The following UNC5D variants were observed in gnomAD, a reference collection of about 807,000 sequenced individuals.
UNC5D encodes netrin receptor UNC5D.
UNC5D carries 39 observed loss-of-function variants against 105.4 expected under a neutral mutation model. The ratio of observed to expected loss-of-function variants is 0.37; its 90% CI spans 0.29 to 0.48. The LOEUF is 0.48. Ranked by LOEUF, UNC5D falls within the 20% of genes least tolerant of loss-of-function variation. UNC5D has a pLI of 0.98. For missense variants in UNC5D, 991 were observed against 1,202.4 expected (o/e 0.82, Z 2.60); for synonymous variants, 452 against 450.4 (o/e 1.00, Z -0.04).
At chr8:35,259,509 C>G (rs1415050848) in intron 1 of UNC5D, among the ~76,000 whole-genome samples, 1 of 152,116 alleles carries the variant, frequency 6.6e-6, no homozygotes, top group African/African-American at 2.4e-5. Context: ...CTCCAGGGTG[C>G]TATATATTAT....
At chr8:35,742,650 G>A (rs1013904050) in intron 11 of UNC5D, among the ~76,000 whole-genome samples, 1 of 152,164 alleles carries the variant, frequency 6.6e-6, no homozygotes, top group Non-Finnish European at 1.5e-5. Flanking sequence ...ACCTCATATT[G>A]GAACTTGGAA....
At chr8:35,427,003 G>A (rs550844552) in intron 1 of UNC5D, among the ~76,000 whole-genome samples, 41 of 152,272 alleles carry the variant, frequency 2.7e-4, no homozygotes, top group Non-Finnish European at 3.8e-4. Context: ...GATGATGAAC[G>A]AGTTGATTTT....
At chr8:35,491,104 T>A (rs1811188359) in intron 1 of UNC5D, among the ~76,000 whole-genome samples, 1 of 152,162 alleles carries the variant, frequency 6.6e-6, no homozygotes, top group African/African-American at 2.4e-5. Context: ...TATTACTTAT[T>A]AAGGGTTTAC....
rs766159625 is a variant in UNC5D at position 35,766,955 on chromosome 8, C to G, written c.2367C>G (p.Ala789=). 1 of 1,614,088 alleles carries G rather than the reference C, an allele frequency of 6.2e-7. No homozygotes were observed. The highest frequency in any genetic ancestry group is 8.5e-7 in the Non-Finnish European group (1 of 1,179,978). Residue 789 remains alanine (A), a synonymous_variant, in exon 15 of 17, where the codon GCC becomes GCG. Coordinates refer to ENST00000404895, the MANE Select transcript of UNC5D (RefSeq NM_080872.4). ...GTAACCGGCAGCCCCTGCACTGTGCCTTCTCCCTGGAGCGTTATACGCCCA... is the reference window on the plus strand; with the variant it reads ...GTAACCGGCAGCCCCTGCACTGTGCGTTCTCCCTGGAGCGTTATACGCCCA... ...WCSNRQPLHC[A]FSLERYTPTT...
intron 1 of UNC5D, among the ~76,000 whole-genome samples, chr8:35,305,464 T>G (rs1808264113): frequency 6.6e-6 from 1 of 152,136 alleles, no homozygotes; most frequent in Admixed American, 6.6e-5. Context: ...GGAGGAAGCC[T>G]GGGTTTTTAG....
chr8:35,504,948 C>T (rs1812211289), intron 1 of UNC5D, among the ~76,000 whole-genome samples: 1 of 152,184 alleles, frequency 6.6e-6, no homozygotes, highest in Non-Finnish European at 1.5e-5. Context: ...CCCCCCAAAA[C>T]AGCCACTGTT....
intron 4 of UNC5D, among the ~76,000 whole-genome samples, chr8:35,607,004 C>T (rs1020347316): frequency 6.6e-6 from 1 of 152,172 alleles, no homozygotes; most frequent in Admixed American, 6.5e-5. Context: ...TTTACACATC[C>T]CTACCTGTTT....
intron 4 of UNC5D, among the ~76,000 whole-genome samples, chr8:35,662,286 A>G (rs1184368166): frequency 6.6e-6 from 1 of 151,994 alleles, no homozygotes; most frequent in Non-Finnish European, 1.5e-5. Context: ...ATGTAGTTAG[A>G]CTCACAGCCT....
chr8:35,737,774 G>A (rs1021651085), intron 11 of UNC5D, among the ~76,000 whole-genome samples: 1 of 152,166 alleles, frequency 6.6e-6, no homozygotes, highest in Non-Finnish European at 1.5e-5. Flanking sequence ...AATTAGTCAG[G>A]AAAATAATGC....
At chr8:35,429,729 G>A (rs1400933902) in intron 1 of UNC5D, among the ~76,000 whole-genome samples, 1 of 152,048 alleles carries the variant, frequency 6.6e-6, no homozygotes, top group Non-Finnish European at 1.5e-5. Flanking sequence ...ATTCAAGATA[G>A]AGAACATGTC....
intron 4 of UNC5D, among the ~76,000 whole-genome samples, chr8:35,641,366 C>CAAAAAAAAAAAAAAAAAAAGAA (rs1198851612): frequency 1.7e-3 from 75 of 44,254 alleles, no homozygotes; most frequent in African/African-American, 1.9e-3. Context: ...AAAAATAAAG[C>CAAAAAAAAAAAAAAAAAAAGAA]AAAAAAAAAA....
rs564060084 is a variant in UNC5D, at chr8:35,564,658, A to T, written c.323-3440A>T. ...GTTTTTGGTTACACGGATGAATTGT[A>T]TACTAGTGAAGTCTGGGCTTTTAAT... On this transcript the variant is annotated intron_variant, in intron 2 of 16. Coordinates refer to ENST00000404895, the MANE Select transcript of UNC5D (RefSeq NM_080872.4). 1.1e-4 allele frequency among the ~76,000 whole-genome samples: 16 copies of T among 152,274 alleles called. No homozygotes were observed. In the East Asian group the frequency reaches 3.1e-3, roughly 29 times the overall value.
At chr8:35,698,560 G>C (rs1348771881) in intron 7 of UNC5D, among the ~76,000 whole-genome samples, 1 of 151,968 alleles carries the variant, frequency 6.6e-6, no homozygotes, top group Non-Finnish European at 1.5e-5. Flanking sequence ...TATTCTGCAA[G>C]TTCATCTATG....
chr8:35,512,569 A>ATATATATATATATATCTCTC (rs539399345), intron 1 of UNC5D, among the ~76,000 whole-genome samples: 3 of 64,822 alleles, frequency 4.6e-5, no homozygotes, highest in Admixed American at 2.1e-4. Flanking sequence ...ATATATATAT[A>ATATATATATATATATCTCTC]TCTGAATAGA....
At chr8:35,632,138 GA>G (rs1377792720) in intron 4 of UNC5D, among the ~76,000 whole-genome samples, 1 of 152,198 alleles carries the variant, frequency 6.6e-6, no homozygotes, top group African/African-American at 2.4e-5. Context: ...AAGAAGAGGT[GA>G]AACCAGTGTC....
intron 1 of UNC5D, among the ~76,000 whole-genome samples, chr8:35,287,292 G>A (rs1372110482): frequency 6.6e-6 from 1 of 152,192 alleles, no homozygotes; most frequent in Non-Finnish European, 1.5e-5. Context: ...GGAGATCTAT[G>A]AAATGACTGA....
chr8:35,491,786 A>C (rs1267082380), intron 1 of UNC5D, among the ~76,000 whole-genome samples: 35 of 152,130 alleles, frequency 2.3e-4, no homozygotes, highest in Admixed American at 2.3e-3. Flanking sequence ...TTGTATTTTA[A>C]ACTGCATTTT....
rs562898535 is a variant in UNC5D at position 35,525,140 on chromosome 8, G to T, written c.104-24152G>T. ...CTGAAGCCACCACCAGCGCCTCCTT[G>T]GCTGGATGCTGGAAGAGTCCTCCAT... is the stretch of plus-strand genomic sequence containing the variant. On this transcript the variant is annotated intron_variant, in intron 1 of 16. Transcript: ENST00000404895. 18 of 1,605,350 alleles carry T rather than the reference G, an allele frequency of 1.1e-5. No homozygotes were observed. In the East Asian group the frequency reaches 4.0e-4, roughly 36 times the overall value.
intron 1 of UNC5D, among the ~76,000 whole-genome samples, chr8:35,446,271 G>A (rs1336528539): frequency 6.6e-6 from 1 of 151,624 alleles, no homozygotes; most frequent in Non-Finnish European, 1.5e-5. Context: ...GGGATTTATT[G>A]GTTTTTTAAT....
Sources: gnomAD v4.1 joint callset for allele counts (sites outside exome capture counted in the v4.1 genomes callset) on GRCh38, gnomAD v4.1.1 for gene constraint, MANE v1.5 for transcripts, NCBI Gene and HGNC (gene_info 2026-07-23, HGNC 2026-07-21) for gene names.